The following SLC35F3 variants were observed in gnomAD, a reference collection of about 807,000 sequenced individuals.
SLC35F3 encodes the protein putative thiamine transporter SLC35F3.
In SLC35F3, 25 loss-of-function variants were observed where a neutral mutation model predicts 49.9. That is an observed-to-expected ratio of 0.50 (90% confidence interval 0.37 to 0.70). The LOEUF is 0.70. Ranked by LOEUF, SLC35F3 falls within the 30% of genes least tolerant of loss-of-function variation. The pLI is 0.00. For missense variants in SLC35F3, 525 were observed against 639.8 expected, an observed-to-expected ratio of 0.82 and a Z score of 1.94; for synonymous variants, 275 against 265.4, an observed-to-expected ratio of 1.04 and a Z score of -0.35.
chr1:234,126,526 G>A (rs996255225), intron 2 of SLC35F3, among the ~76,000 whole-genome samples: 6 of 132,646 alleles, frequency 4.5e-5, no homozygotes, highest in Non-Finnish European at 8.6e-5. Flanking sequence ...ACCTATGTAG[G>A]TTTATGTATC....
Position 234,228,715 on chromosome 1 carries a change from G to A in SLC35F3, c.284-2702G>A, listed in dbSNP as rs542639563. On this transcript the variant is annotated intron_variant, in intron 2 of 7. Transcript: ENST00000366618. ...GTGTGTCCATTTGTACTAGGGGCAC[G>A]GTTCTGCTGAGAGGGGTGTGTGTAT... Among the ~76,000 whole-genome samples, 6 of 152,198 alleles carry A rather than the reference G, an allele frequency of 3.9e-5. No individual in the cohort carries two copies. In the East Asian group the frequency reaches 1.2e-3, roughly 29 times the overall value.
chr1:234,173,674 C>T (rs2102920137), intron 2 of SLC35F3, among the ~76,000 whole-genome samples: 1 of 152,284 alleles, frequency 6.6e-6, no homozygotes, highest in Non-Finnish European at 1.5e-5. Context: ...ATGCAAAATC[C>T]TTGGGAAGTT....
At chr1:233,978,720 G>C (rs1167249391) in intron 2 of SLC35F3, among the ~76,000 whole-genome samples, 1 of 152,168 alleles carries the variant, frequency 6.6e-6, no homozygotes, top group Non-Finnish European at 1.5e-5. Flanking sequence ...CAGAAAGTAA[G>C]GGAAAATAGT....
chr1:234,254,168 G>C (rs528968309), intron 3 of SLC35F3, among the ~76,000 whole-genome samples: 106 of 152,322 alleles, frequency 7.0e-4, no homozygotes, highest in African/African-American at 2.1e-3. Context: ...TATTTGGCTT[G>C]TCTGTGGGCT....
chr1:234,026,110 G>C (rs1316625833), intron 2 of SLC35F3, among the ~76,000 whole-genome samples: 1 of 152,104 alleles, frequency 6.6e-6, no homozygotes, highest in Non-Finnish European at 1.5e-5. Flanking sequence ...ATGGTTGTAG[G>C]TGTAGGGCTT....
chr1:234,233,593 C>T (rs1267981136), intron 3 of SLC35F3, among the ~76,000 whole-genome samples: 1 of 152,102 alleles, frequency 6.6e-6, no homozygotes, highest in African/African-American at 2.4e-5. Context: ...GGTGCTTATA[C>T]GGTCAATGTA....
intron 2 of SLC35F3, among the ~76,000 whole-genome samples, chr1:234,161,161 T>C (rs1666221601): frequency 6.6e-6 from 1 of 152,218 alleles, no homozygotes; most frequent in Admixed American, 6.5e-5. Context: ...TCAGTTACTT[T>C]TTGTGATTTA....
intron 2 of SLC35F3, among the ~76,000 whole-genome samples, chr1:234,104,107 A>G (rs1665249611): frequency 6.6e-6 from 1 of 152,360 alleles, no homozygotes; most frequent in African/African-American, 2.4e-5. Context: ...CCTATTCCCC[A>G]TAATTGGCAC....
chr1:234,006,199 C>T (rs1663628184), intron 2 of SLC35F3, among the ~76,000 whole-genome samples: 1 of 152,116 alleles, frequency 6.6e-6, no homozygotes. Context: ...ACTCTGTTTC[C>T]CCTTATATAT....
At chr1:234,151,656 C>T (rs756579681) in intron 2 of SLC35F3, among the ~76,000 whole-genome samples, 5 of 151,910 alleles carry the variant, frequency 3.3e-5, no homozygotes, top group African/African-American at 1.2e-4. Flanking sequence ...ATAAACGTAG[C>T]GTCGTGCCTT....
chr1:234,010,488 A>T (rs1255834014), intron 2 of SLC35F3, among the ~76,000 whole-genome samples: 2 of 152,222 alleles, frequency 1.3e-5, no homozygotes, highest in African/African-American at 4.8e-5. Context: ...ACAAGTCCTT[A>T]CCTATCAATA....
At chr1:234,217,463 A>C (rs1667139197) in intron 2 of SLC35F3, among the ~76,000 whole-genome samples, 1 of 152,244 alleles carries the variant, frequency 6.6e-6, no homozygotes. Context: ...ACAAAGTAGT[A>C]AGTTCTGGTA....
intron 2 of SLC35F3, among the ~76,000 whole-genome samples, chr1:233,927,327 C>G (rs75652622): frequency 6.6e-6 from 1 of 152,050 alleles, no homozygotes; most frequent in African/African-American, 2.4e-5. Context: ...TAGGAATGAG[C>G]TTAACTCATT....
At chr1:234,273,270 TGTTG>T (rs1438197088) in intron 3 of SLC35F3, among the ~76,000 whole-genome samples, 1 of 152,238 alleles carries the variant, frequency 6.6e-6, no homozygotes, top group Non-Finnish European at 1.5e-5. Flanking sequence ...TTATACAGGC[TGTTG>T]CCTATAAGTC....
chr1:234,321,310 C>A (rs1173710309), intron 7 of SLC35F3, among the ~76,000 whole-genome samples: 1 of 152,184 alleles, frequency 6.6e-6, no homozygotes, highest in Non-Finnish European at 1.5e-5. Context: ...GATCTGTGGT[C>A]CCAACATATC....
intron 3 of SLC35F3, among the ~76,000 whole-genome samples, chr1:234,298,103 T>C (rs1668633736): frequency 6.6e-6 from 1 of 152,210 alleles, no homozygotes; most frequent in African/African-American, 2.4e-5. Context: ...AAATATGCAC[T>C]GCCTTTTTTA....
chr1:234,114,196 G>GA (rs1432417557), intron 2 of SLC35F3, among the ~76,000 whole-genome samples: 1 of 152,190 alleles, frequency 6.6e-6, no homozygotes, highest in Admixed American at 6.5e-5. Flanking sequence ...GATTTCTGCT[G>GA]TTCTTTGGAA....
intron 2 of SLC35F3, among the ~76,000 whole-genome samples, chr1:233,979,823 G>GA (rs1446231178): frequency 6.6e-6 from 1 of 152,178 alleles, no homozygotes; most frequent in Non-Finnish European, 1.5e-5. Flanking sequence ...GAAAATTAAA[G>GA]AAACTCCATG....
At chr1:234,062,770 C>G (rs1378110547) in intron 2 of SLC35F3, among the ~76,000 whole-genome samples, 1 of 151,854 alleles carries the variant, frequency 6.6e-6, no homozygotes, top group Non-Finnish European at 1.5e-5. Context: ...AGCTCTGCCC[C>G]CTGGGTTCAT....
Sources: allele counts gnomAD v4.1 joint callset (sites outside exome capture counted in the v4.1 genomes callset), GRCh38; gene constraint gnomAD v4.1.1; transcripts MANE v1.5; gene names NCBI Gene and HGNC (gene_info 2026-07-23, HGNC 2026-07-21).